The following PLB1 variants were observed in gnomAD, a reference collection of about 807,000 sequenced individuals.
PLB1 encodes the protein phospholipase B1.
Under a neutral mutation model 227.4 loss-of-function variants are expected in PLB1, and 242 were observed. That is an observed-to-expected ratio of 1.06 (90% CI 0.96 to 1.18). The LOEUF (loss-of-function observed/expected upper bound fraction) is 1.18, where lower values mean the gene tolerates loss of function less well. PLB1 is among the 50% of genes most tolerant of loss of function. The pLI is 0.00. For missense variants in PLB1, 1,858 were observed against 1,816.3 expected (o/e 1.02, Z -0.42); for synonymous variants, 757 against 682.2 (o/e 1.11, Z -1.71).
At chr2:28,607,687 G>A (rs1000712411) in intron 43 of PLB1, among the ~76,000 whole-genome samples, 2 of 152,048 alleles carry the variant, frequency 1.3e-5, no homozygotes, top group African/African-American at 4.8e-5. Flanking sequence ...TACTGTGCCA[G>A]GTGTAAACTC....
chr2:28,630,240 C>T (rs1226349493), intron 53 of PLB1, among the ~76,000 whole-genome samples: 2 of 152,120 alleles, frequency 1.3e-5, no homozygotes, highest in African/African-American at 2.4e-5. Flanking sequence ...TCCTGTCTAC[C>T]CAGTCCTGCT....
At chr2:28,611,241 T>G (rs749943839) in intron 43 of PLB1, among the ~76,000 whole-genome samples, 5 of 152,200 alleles carry the variant, frequency 3.3e-5, no homozygotes, top group Non-Finnish European at 7.3e-5. Flanking sequence ...GCCCTCTAGC[T>G]CTGCCTCCCT....
At chr2:28,598,074 C>G in intron 34 of PLB1, 26 bp downstream of exon 34, 1 of 1,598,910 alleles carries the variant, frequency 6.3e-7, no homozygotes, top group Non-Finnish European at 8.6e-7. Context: ...GGGCTTGAAT[C>G]TGTCTACTGT....
chr2:28,565,072 G>GAGTAGCAC (rs1365259725), intron 18 of PLB1, among the ~76,000 whole-genome samples: 1 of 152,198 alleles, frequency 6.6e-6, no homozygotes, highest in Non-Finnish European at 1.5e-5. Context: ...GCAGAGCTGG[G>GAGTAGCAC]AGTAGCACCA....
chr2:28,614,786 G>GA (rs1455214894), intron 44 of PLB1, among the ~76,000 whole-genome samples: 2 of 152,184 alleles, frequency 1.3e-5, no homozygotes, highest in Admixed American at 1.3e-4. Context: ...AAGGCATGCA[G>GA]AGAAGTATCG....
chr2:28,601,841 C>T, intron 37 of PLB1, 58 bp from the exon 38 acceptor site: 1 of 1,412,626 alleles, frequency 7.1e-7, no homozygotes, highest in South Asian at 1.2e-5. Flanking sequence ...TGAGAACTGC[C>T]CCACTGCCCT....
At chr2:28,534,082 A>G (rs1476929839) in intron 9 of PLB1, among the ~76,000 whole-genome samples, 2 of 152,170 alleles carry the variant, frequency 1.3e-5, no homozygotes, top group Non-Finnish European at 2.9e-5. Context: ...ATATAGTGTT[A>G]TATTGTATGT....
chr2:28,601,361 G>T (rs1346173292), intron 37 of PLB1, 29 bp downstream of exon 37: 1 of 1,599,166 alleles, frequency 6.3e-7, no homozygotes. Context: ...AGGCCTACTT[G>T]TTGTTCCTAA....
intron 15 of PLB1, among the ~76,000 whole-genome samples, chr2:28,549,408 C>CTTTATTTTTTT (rs1572906840): frequency 1.6e-5 from 1 of 60,676 alleles, no homozygotes; most frequent in Non-Finnish European, 3.2e-5. Context: ...GAATGAGATT[C>CTTTATTTTTTT]TTTCTTTTTT....
In PLB1 at chr2:28,593,867, G is replaced by A. The variant is rs1181306742; in HGVS notation, c.2321+113G>A. On this transcript the variant is annotated intron_variant, in intron 33 of 57. Coordinates refer to ENST00000327757, the MANE Select transcript of PLB1 (RefSeq NM_153021.5). ...AGGTCGAAGACTTGGTCTGGAAGGG[G>A]CTTTCAGAAAGAAAAAGCTATATAT... The A allele has an allele frequency of 4.2e-6, 4 of 949,762 alleles. No individual in the cohort carries two copies. The East Asian group carries it at 1.0e-4, about 24-fold the overall frequency. The allele number at this position is 949,762 out of a possible 1,614,324, so 58.8% of individuals were successfully genotyped here.
chr2:28,563,089 A>G lies in PLB1; in HGVS notation c.1196A>G (p.Asp399Gly). ...ATCAACGTAATTGGAGCCCTGGGTGACTCTCTCACGGTAAGTGACCCTGAT... is the reference window on the plus strand; with the variant it reads ...ATCAACGTAATTGGAGCCCTGGGTGGCTCTCTCACGGTAAGTGACCCTGAT... ...ADINVIGALG[D>G]SLTAGNGAGS... The change falls in exon 18 of 58, where the codon GAC (aspartate) becomes GGC (glycine). Residue 399 changes from aspartate (D) to glycine (G), a missense_variant. Physicochemically the swap from Asp to Gly is moderately conservative, Grantham distance 94 (BLOSUM62 -1). Transcript: ENST00000327757. 1.9e-6 allele frequency: 3 copies of G among 1,612,664 alleles called. No homozygotes were observed. Among genetic ancestry groups the G allele is most frequent in the Non-Finnish European group, 2.5e-6 (3 of 1,179,174 alleles).
intron 4 of PLB1, among the ~76,000 whole-genome samples, chr2:28,523,168 C>T (rs1250241766): frequency 6.6e-6 from 1 of 152,070 alleles, no homozygotes; most frequent in African/African-American, 2.4e-5. Context: ...CAGATGTACG[C>T]ACAATAGAAG....
intron 1 of PLB1, among the ~76,000 whole-genome samples, chr2:28,497,963 C>T (rs1445435420): frequency 6.6e-6 from 1 of 151,634 alleles, no homozygotes; most frequent in Non-Finnish European, 1.5e-5. Context: ...AAGTGATCTG[C>T]CTGCCTCGGC....
intron 2 of PLB1, among the ~76,000 whole-genome samples, chr2:28,517,683 TTTC>T (rs563205331): frequency 5.3e-5 from 8 of 152,320 alleles, no homozygotes; most frequent in African/African-American, 1.4e-4. Context: ...TTGATTATTT[TTTC>T]TTGTTTTAGT....
intron 1 of PLB1, among the ~76,000 whole-genome samples, chr2:28,501,792 C>T (rs1437877709): frequency 6.6e-6 from 1 of 152,060 alleles, no homozygotes; most frequent in Non-Finnish European, 1.5e-5. Context: ...TATACTACAT[C>T]AGTTCAGAGA....
Position 28,632,104 on chromosome 2 carries a change from G to A in PLB1, c.3966G>A (p.Gln1322=), listed in dbSNP as rs144958500. Residue 1322 remains glutamine (Q), a synonymous_variant, in exon 55 of 58, where the codon CAG becomes CAA. Transcript: ENST00000327757. Reference sequence around the variant, plus strand: ...GTGAGGACTTTGCGGTTGTGGTGCAGCCTTTCTTCCAAAACACACTCACCC... The same window carrying A: ...GTGAGGACTTTGCGGTTGTGGTGCAACCTTTCTTCCAAAACACACTCACCC... The part of the protein sequence containing the change: ...TQREDFAVVV[Q]PFFQNTLTPL... The A allele has an allele frequency of 8.1e-6, 13 of 1,614,024 alleles. No individual in the cohort carries two copies. In the African/African-American group the frequency reaches 1.5e-4, roughly 18 times the overall value.
chr2:28,609,419 CA>C (rs1323119075), intron 43 of PLB1, among the ~76,000 whole-genome samples: 1 of 151,790 alleles, frequency 6.6e-6, no homozygotes, highest in African/African-American at 2.4e-5. Context: ...TAAGGTTACC[CA>C]AAAGGCAGAT....
intron 11 of PLB1, among the ~76,000 whole-genome samples, chr2:28,539,640 C>T (rs1402997862): frequency 6.6e-6 from 1 of 151,826 alleles, no homozygotes; most frequent in Non-Finnish European, 1.5e-5. Context: ...TGGCTCTGGA[C>T]CTAGAAAAGA....
At position 28,511,940 on chromosome 2, in the gene PLB1, G is replaced by A. The variant is rs147795417; in HGVS notation, c.56-4868G>A. ...GCTGGGATTACAGGCACCTACCACCGTGCCTGGCTAACTTTTTTTTTTTTT... is the reference window on the plus strand; with the variant it reads ...GCTGGGATTACAGGCACCTACCACCATGCCTGGCTAACTTTTTTTTTTTTT... On this transcript the variant is annotated intron_variant, in intron 1 of 57. Coordinates refer to ENST00000327757, the MANE Select transcript of PLB1 (RefSeq NM_153021.5). Among the ~76,000 whole-genome samples, 1,330 of 148,958 alleles carry A rather than the reference G, an allele frequency of 8.9e-3. 15 individuals are homozygous for A. Among genetic ancestry groups the A allele is most frequent in the Non-Finnish European group, 0.01 (697 of 67,212 alleles).
Sources: gnomAD v4.1 joint callset for allele counts (sites outside exome capture counted in the v4.1 genomes callset) on GRCh38, gnomAD v4.1.1 for gene constraint, MANE v1.5 for transcripts, NCBI Gene and HGNC (gene_info 2026-07-23, HGNC 2026-07-21) for gene names.